Variants in DDX52 observed in about 807,000 individuals in gnomAD.
DDX52 encodes the protein DExD-box helicase 52.
A neutral mutation model predicts 76.1 loss-of-function variants in DDX52; 59 were observed. The ratio of observed to expected loss-of-function variants is 0.78; its 90% CI spans 0.63 to 0.96. DDX52 has a LOEUF of 0.96. Ranked by LOEUF, DDX52 falls within the 40% of genes least tolerant of loss-of-function variation. The pLI is 0.00. For missense variants in DDX52, 707 were observed against 703.9 expected (o/e 1.00, Z -0.05); for synonymous variants, 231 against 244.1 (o/e 0.95, Z 0.50).
chr17:37,624,440 A>C lies in DDX52; in HGVS notation c.1137-6T>G. The C allele has an allele frequency of 1.3e-6, 2 of 1,598,738 alleles. No individual in the cohort carries two copies. The highest frequency in any genetic ancestry group is 1.3e-5 in the African/African-American group (1 of 74,740). On this transcript the variant is annotated splice_region_variant and splice_polypyrimidine_tract_variant and intron_variant, in intron 8 of 14. Coordinates refer to ENST00000617633, the MANE Select transcript of DDX52 (RefSeq NM_007010.5). ...CAGTTTCTACTGCAGAATTCCTGGG[A>C]AGAAAATATACCTTGTAGTTTGTAA... is the stretch of plus-strand genomic sequence containing the variant.
At chr17:37,619,314 G>A (rs924395147) in intron 13 of DDX52, among the ~76,000 whole-genome samples, 2 of 152,132 alleles carry the variant, frequency 1.3e-5, no homozygotes, top group African/African-American at 4.8e-5. Context: ...GGGAGGCAGA[G>A]GTTGCAATGA....
At chr17:37,629,228 T>TACACACAC (rs10661586) in intron 5 of DDX52, among the ~76,000 whole-genome samples, 18 of 133,972 alleles carry the variant, frequency 1.3e-4, no homozygotes, top group African/African-American at 3.1e-4. Flanking sequence ...CAAGAAAAAA[T>TACACACAC]ACACACACAC....
intron 6 of DDX52, among the ~76,000 whole-genome samples, chr17:37,627,464 C>T (rs2030443529): frequency 6.6e-6 from 1 of 152,002 alleles, no homozygotes; most frequent in Non-Finnish European, 1.5e-5. Context: ...CCAGGCTGGT[C>T]TCGAATTCCT....
intron 4 of DDX52, chr17:37,631,282 A>G (rs1448660056): frequency 6.6e-6 from 1 of 152,274 alleles, no homozygotes; most frequent in Non-Finnish European, 1.5e-5. Flanking sequence ...ATATTCATAC[A>G]ACATAATACT....
Position 37,643,393 on chromosome 17 carries a change from G to C in DDX52, c.28C>G (p.Leu10Val). MDVHDLFRR[L>V]GAGAKFDTRR... is the part of the protein sequence containing the mutation. ...GTGTCGAATTTGGCCCCCGCGCCGA[G>C]CCGGCGAAAGAGATCGTGGACGTCC... The change falls in exon 1 of 15, where the codon CTC (leucine) becomes GTC (valine). Residue 10 changes from leucine (L) to valine (V), a missense_variant. Leu to Val is a conservative substitution (Grantham distance 32). Transcript: ENST00000617633. 1 of 1,614,012 alleles carries C rather than the reference G, an allele frequency of 6.2e-7. No individual in the cohort carries two copies. Among genetic ancestry groups the C allele is most frequent in the East Asian group, 2.2e-5 (1 of 44,860 alleles).
At chr17:37,628,704 C>T (rs1263322905) in intron 5 of DDX52, 32 bp from the exon 6 acceptor site, 2 of 1,482,682 alleles carry the variant, frequency 1.3e-6, no homozygotes, top group African/African-American at 2.8e-5. Flanking sequence ...ACATTAGCTG[C>T]TAACATACTT....
intron 6 of DDX52, among the ~76,000 whole-genome samples, chr17:37,627,405 A>AT (rs1217845651): frequency 3.3e-5 from 5 of 149,664 alleles, no homozygotes; most frequent in Admixed American, 6.7e-5. Flanking sequence ...GAGATGGTAA[A>AT]TTTTTTTTTT....
At chr17:37,628,025 C>CA (rs2030479020) in intron 6 of DDX52, among the ~76,000 whole-genome samples, 1 of 152,088 alleles carries the variant, frequency 6.6e-6, no homozygotes, top group Non-Finnish European at 1.5e-5. Flanking sequence ...GCAATCCTCC[C>CA]ACCTCAGCTT....
At chr17:37,639,559 A>C in intron 2 of DDX52, 4 of 443,546 alleles carry the variant, frequency 9.0e-6, no homozygotes, top group Non-Finnish European at 1.2e-5. Flanking sequence ...AACATGGTGA[A>C]ACCCTGTCTC....
rs1277737644 is a variant in DDX52, at chr17:37,612,649, T to C, written c.*1647A>G. 1 of 152,246 alleles carries C rather than the reference T, an allele frequency of 6.6e-6. No individual in the cohort carries two copies. Among genetic ancestry groups the C allele is most frequent in the Non-Finnish European group, 1.5e-5 (1 of 68,042 alleles). The allele number at this position is 152,246 out of a possible 1,614,324, so 9.4% of individuals were successfully genotyped here. The stretch of plus-strand genomic sequence containing the variant: ...TCTGTCATTAAGTGATGCGTGACTC[T>C]ATTTGCTCCTTTATCTCTAACATTA... On this transcript the variant is annotated 3_prime_UTR_variant, in exon 15 of 15. Coordinates refer to ENST00000617633, the MANE Select transcript of DDX52 (RefSeq NM_007010.5).
At chr17:37,636,595 A>C (rs1048806326) in intron 2 of DDX52, among the ~76,000 whole-genome samples, 2 of 152,226 alleles carry the variant, frequency 1.3e-5, no homozygotes, top group Non-Finnish European at 2.9e-5. Flanking sequence ...AGCAGTTTGA[A>C]AACAGCAACA....
intron 2 of DDX52, among the ~76,000 whole-genome samples, chr17:37,637,199 T>C (rs984706747): frequency 1.3e-5 from 2 of 150,580 alleles, no homozygotes; most frequent in Non-Finnish European, 3.0e-5. Flanking sequence ...GATCTCGGCT[T>C]CGGCTCACTG....
intron 14 of DDX52, among the ~76,000 whole-genome samples, chr17:37,614,660 T>C (rs1265768622): frequency 1.3e-5 from 2 of 152,356 alleles, no homozygotes; most frequent in Non-Finnish European, 2.9e-5. Context: ...CTAAGTGCTT[T>C]ACATGTATTA....
chr17:37,632,642 A>C (rs1274672649), intron 3 of DDX52, among the ~76,000 whole-genome samples: 1 of 152,054 alleles, frequency 6.6e-6, no homozygotes, highest in African/African-American at 2.4e-5. Flanking sequence ...TTACCCTAAA[A>C]CTCTGATTAT....
At chr17:37,626,318 TTG>T in intron 7 of DDX52, among the ~76,000 whole-genome samples, 1 of 152,134 alleles carries the variant, frequency 6.6e-6, no homozygotes, top group East Asian at 1.9e-4. Flanking sequence ...TCCTCACGTG[TTG>T]AGGGAGGGAC....
intron 1 of DDX52, 51 bp downstream of exon 1, chr17:37,643,283 G>A: frequency 1.3e-6 from 2 of 1,565,884 alleles, no homozygotes; most frequent in Non-Finnish European, 1.7e-6. Flanking sequence ...TTCATTCCCG[G>A]GCTCCTGCTC....
In DDX52 at chr17:37,626,008, G is replaced by T. The variant is rs1421809704; in HGVS notation, c.1023C>A (p.Ala341=). ...CTCTTCGGACCTTGTGGGATGTGCA[G>T]GCCAGGAAAATGGAAGCCAGCTGGT... The part of the protein sequence containing the change: ...FRDQLASIFL[A]CTSHKVRRAM... The change falls in exon 8 of 15, where the codon GCC becomes GCA. Residue 341 remains alanine, a synonymous_variant. Coordinates refer to ENST00000617633, the MANE Select transcript of DDX52 (RefSeq NM_007010.5). 1 of 1,614,140 alleles carries T rather than the reference G, an allele frequency of 6.2e-7. No individual in the cohort carries two copies. The highest frequency in any genetic ancestry group is 1.7e-5 in the Admixed American group (1 of 60,012).
At position 37,611,764 on chromosome 17, in the gene DDX52, AC is replaced by A. The variant is rs1458038307; in HGVS notation, c.*2531del. ...AAAAAAAAAAAAAAAAATCTAAAAA[AC>A]CCAACTGGACAACAAGCAAGACCTC... On this transcript the variant is annotated 3_prime_UTR_variant, in exon 15 of 15. Transcript: ENST00000617633. The A allele has an allele frequency of 4.7e-5, 7 of 150,340 alleles. No individual in the cohort carries two copies. The highest frequency in any genetic ancestry group is 1.7e-4 in the African/African-American group (7 of 40,870). 9.3% of individuals were successfully genotyped at this position (150,340 alleles called of 1,614,324 possible). A position where few individuals can be genotyped will look rare whatever the true frequency, so the allele number is the denominator to read the frequency against.
At chr17:37,616,428 T>C (rs1598750001) in intron 14 of DDX52, among the ~76,000 whole-genome samples, 1 of 152,232 alleles carries the variant, frequency 6.6e-6, no homozygotes, top group East Asian at 1.9e-4. Context: ...GGAGATCACA[T>C]GAGGCCAGGA....
Sources: gnomAD v4.1 joint callset for allele counts (sites outside exome capture counted in the v4.1 genomes callset) on GRCh38, gnomAD v4.1.1 for gene constraint, MANE v1.5 for transcripts, NCBI Gene and HGNC (gene_info 2026-07-23, HGNC 2026-07-21) for gene names.